Variants in RHBDL3 observed in about 807,000 individuals in gnomAD.
RHBDL3 encodes rhomboid like 3.
A neutral mutation model predicts 48.2 loss-of-function variants in RHBDL3; 28 were observed. The observed-to-expected ratio is 0.58, with a 90% CI of 0.43 to 0.80. The LOEUF (loss-of-function observed/expected upper bound fraction) is 0.80, where lower values mean the gene tolerates loss of function less well. Ranked by LOEUF, RHBDL3 falls within the 30% of genes least tolerant of loss-of-function variation. The pLI is 0.00. For missense variants in RHBDL3, 464 were observed against 542.7 expected, an observed-to-expected ratio of 0.85 and a Z score of 1.44; for synonymous variants, 208 against 232.3, an observed-to-expected ratio of 0.90 and a Z score of 0.95.
At chr17:32,278,380 G>T (rs2039962811) in intron 2 of RHBDL3, among the ~76,000 whole-genome samples, 2 of 152,210 alleles carry the variant, frequency 1.3e-5, no homozygotes, top group South Asian at 4.1e-4. Context: ...GATGGGACCA[G>T]CCAGCACAGT....
chr17:32,306,035 A>T (rs1049978414), intron 7 of RHBDL3, among the ~76,000 whole-genome samples: 18 of 152,206 alleles, frequency 1.2e-4, no homozygotes, highest in African/African-American at 4.3e-4. Context: ...CAAATAGGAA[A>T]GGAGGCTGTG....
chr17:32,282,714 C>T (rs1208546058), intron 2 of RHBDL3, among the ~76,000 whole-genome samples: 1 of 152,126 alleles, frequency 6.6e-6, no homozygotes, highest in Non-Finnish European at 1.5e-5. Flanking sequence ...GCTCCGCCTC[C>T]CAGGTTCAGG....
intron 7 of RHBDL3, among the ~76,000 whole-genome samples, chr17:32,309,714 G>A (rs2040794920): frequency 6.6e-6 from 1 of 151,096 alleles, no homozygotes; most frequent in South Asian, 2.1e-4. Context: ...ATGAAAAAAT[G>A]GACAAAATAT....
At chr17:32,279,916 A>C (rs1332033465) in intron 2 of RHBDL3, among the ~76,000 whole-genome samples, 3 of 152,320 alleles carry the variant, frequency 2.0e-5, no homozygotes, top group East Asian at 3.9e-4. Flanking sequence ...CTGGTAGGTC[A>C]GTTCCCCTAC....
chr17:32,320,418 C>T (rs2041096632), intron 8 of RHBDL3, among the ~76,000 whole-genome samples: 1 of 151,778 alleles, frequency 6.6e-6, no homozygotes. Context: ...CCTCCACCTC[C>T]TGGGTTCAAG....
At chr17:32,292,248 A>AT (rs1227434405) in intron 4 of RHBDL3, among the ~76,000 whole-genome samples, 2 of 152,184 alleles carry the variant, frequency 1.3e-5, no homozygotes, top group African/African-American at 4.8e-5. Context: ...GTTGGTGAGA[A>AT]TGTGGAGAAA....
chr17:32,295,538 G>A (rs1400639509), intron 5 of RHBDL3, among the ~76,000 whole-genome samples: 3 of 152,232 alleles, frequency 2.0e-5, no homozygotes, highest in Non-Finnish European at 4.4e-5. Context: ...AGACACGGGG[G>A]CTTCCCTGCC....
At chr17:32,317,088 G>T (rs369977498) in intron 8 of RHBDL3, among the ~76,000 whole-genome samples, 8 of 151,990 alleles carry the variant, frequency 5.3e-5, no homozygotes, top group African/African-American at 1.4e-4. Context: ...GGCCAGGCTG[G>T]TCTCAAACTC....
chr17:32,308,057 G>A lies in RHBDL3; in HGVS notation c.882+2616G>A, dbSNP rs141748683. Among the ~76,000 whole-genome samples the A allele has an allele frequency of 1.2e-3, 178 of 152,290 alleles. 2 individuals are homozygous for A. Among genetic ancestry groups the A allele is most frequent in the Non-Finnish European group, 2.2e-3 (151 of 68,012 alleles). On this transcript the variant is annotated intron_variant, in intron 7 of 8. Coordinates refer to ENST00000269051, the MANE Select transcript of RHBDL3 (RefSeq NM_138328.3). ...GCCCTGATGGCCCAGAAGTTCCCAT[G>A]GTGAAGGCAGACCACTGAAGGACCA...
rs746464347 is a variant in RHBDL3 at position 32,321,299 on chromosome 17, TCTC to T, written c.*71_*73del. ...CACAGGGAGCGCCTGCGAGGTTTCT[TCTC>T]ATCACCAGCTCAGCTAGGCCGGGCA... On this transcript the variant is annotated 3_prime_UTR_variant, in exon 9 of 9. Coordinates refer to ENST00000269051, the MANE Select transcript of RHBDL3 (RefSeq NM_138328.3). The T allele has an allele frequency of 1.9e-6, 3 of 1,604,842 alleles. No homozygotes were observed. In the African/African-American group the frequency reaches 4.0e-5, roughly 21 times the overall value.
At chr17:32,266,754 G>T (rs1270667762) in intron 1 of RHBDL3, among the ~76,000 whole-genome samples, 4 of 152,100 alleles carry the variant, frequency 2.6e-5, no homozygotes, top group African/African-American at 9.7e-5. Context: ...CTCCGCTCCC[G>T]GATTAGCTCC....
At chr17:32,270,264 A>G (rs2039743070) in intron 2 of RHBDL3, among the ~76,000 whole-genome samples, 1 of 152,130 alleles carries the variant, frequency 6.6e-6, no homozygotes, top group African/African-American at 2.4e-5. Context: ...CCAGAGATCA[A>G]TGGCATGGGT....
intron 8 of RHBDL3, among the ~76,000 whole-genome samples, chr17:32,317,193 T>G (rs2040996867): frequency 6.6e-6 from 1 of 152,174 alleles, no homozygotes; most frequent in South Asian, 2.1e-4. Flanking sequence ...TTTTCATCTT[T>G]TTATTGACAT....
chr17:32,286,560 G>A (rs1369058340), intron 3 of RHBDL3, among the ~76,000 whole-genome samples: 2 of 152,176 alleles, frequency 1.3e-5, no homozygotes, highest in African/African-American at 4.8e-5. Flanking sequence ...CCTCTCTTTA[G>A]GGTTGTTGCA....
At chr17:32,266,825 C>T (rs530696331) in intron 1 of RHBDL3, among the ~76,000 whole-genome samples, 13 of 152,308 alleles carry the variant, frequency 8.5e-5, no homozygotes, top group Non-Finnish European at 1.5e-4. Flanking sequence ...CGCCTCTGAC[C>T]CCGGCCGGAG....
chr17:32,322,948 G>A lies in RHBDL3; in HGVS notation c.*1719G>A, dbSNP rs537188448. 4 of 152,480 alleles carry A rather than the reference G, an allele frequency of 2.6e-5. No homozygotes were observed. Among genetic ancestry groups the A allele is most frequent in the South Asian group, 2.1e-4 (1 of 4,832 alleles). The allele number at this position is 152,480 out of a possible 1,614,324, so 9.4% of individuals were successfully genotyped here. ...GAAACAGGGGCAGGAGTGTGGGAACGGTCTTCCTCCAGCCTGGTGCCCATC... is the reference window on the plus strand; with the variant it reads ...GAAACAGGGGCAGGAGTGTGGGAACAGTCTTCCTCCAGCCTGGTGCCCATC... On this transcript the variant is annotated 3_prime_UTR_variant, in exon 9 of 9. Coordinates refer to ENST00000269051, the MANE Select transcript of RHBDL3 (RefSeq NM_138328.3).
At chr17:32,303,674 A>G (rs141255529) in intron 6 of RHBDL3, among the ~76,000 whole-genome samples, 2 of 152,152 alleles carry the variant, frequency 1.3e-5, no homozygotes, top group East Asian at 3.9e-4. Context: ...TTGAGAGATT[A>G]CATCCCCCTT....
At chr17:32,269,672 C>A (rs899304741) in intron 2 of RHBDL3, among the ~76,000 whole-genome samples, 1 of 152,248 alleles carries the variant, frequency 6.6e-6, no homozygotes. Flanking sequence ...TGCGCCACTG[C>A]CACCACTACC....
At chr17:32,293,689 G>A (rs1442482608) in intron 4 of RHBDL3, among the ~76,000 whole-genome samples, 1 of 152,144 alleles carries the variant, frequency 6.6e-6, no homozygotes, top group African/African-American at 2.4e-5. Flanking sequence ...CCAAGTGGGT[G>A]CGTGAGTTAT....
Sources: gnomAD v4.1 joint callset for allele counts (sites outside exome capture counted in the v4.1 genomes callset) on GRCh38, gnomAD v4.1.1 for gene constraint, MANE v1.5 for transcripts, NCBI Gene and HGNC (gene_info 2026-07-23, HGNC 2026-07-21) for gene names.